Variants in NPAS3 observed in about 807,000 individuals in gnomAD.
The protein encoded by NPAS3 is neuronal PAS domain-containing protein 3.
Under a neutral mutation model 73.1 loss-of-function variants are expected in NPAS3, and 14 were observed. The ratio of observed to expected loss-of-function variants is 0.19; its 90% CI spans 0.13 to 0.30. NPAS3 has a LOEUF of 0.30. Among genes scored for constraint, NPAS3 ranks in the 10% least tolerant of loss-of-function variants. The probability of loss-of-function intolerance (pLI) is 1.00; values close to 1 mark genes in which losing one functional copy is unlikely to be tolerated. For missense variants in NPAS3, 1,096 were observed against 1,250.0 expected (o/e 0.88, Z 1.86); for synonymous variants, 620 against 541.5 (o/e 1.14, Z -2.01).
intron 2 of NPAS3, among the ~76,000 whole-genome samples, chr14:33,095,992 G>GT (rs948227432): frequency 1.3e-4 from 19 of 150,802 alleles, no homozygotes; most frequent in African/African-American, 2.7e-4. Flanking sequence ...GTCATTCTCT[G>GT]TTTTTTGTGT....
At chr14:33,561,682 A>G (rs527710458) in intron 5 of NPAS3, among the ~76,000 whole-genome samples, 2 of 152,332 alleles carry the variant, frequency 1.3e-5, no homozygotes, top group South Asian at 4.1e-4. Context: ...TTATTACCAT[A>G]CAGAACTGGA....
At chr14:33,229,936 C>A (rs1052456846) in intron 3 of NPAS3, among the ~76,000 whole-genome samples, 3 of 152,160 alleles carry the variant, frequency 2.0e-5, no homozygotes, top group African/African-American at 7.2e-5. Flanking sequence ...TCTGCTCCTG[C>A]TAAAATTTCA....
At chr14:33,779,199 G>C (rs1250484533) in intron 9 of NPAS3, among the ~76,000 whole-genome samples, 1 of 152,164 alleles carries the variant, frequency 6.6e-6, no homozygotes, top group Non-Finnish European at 1.5e-5. Flanking sequence ...CCCAGCCCCT[G>C]AGCCACAGGC....
intron 5 of NPAS3, among the ~76,000 whole-genome samples, chr14:33,657,152 A>C (rs2059167009): frequency 6.6e-6 from 1 of 152,196 alleles, no homozygotes; most frequent in African/African-American, 2.4e-5. Context: ...ACAAAAGTCA[A>C]ATTCATAGAA....
intron 5 of NPAS3, among the ~76,000 whole-genome samples, chr14:33,662,577 A>G (rs994602499): frequency 1.3e-5 from 2 of 152,216 alleles, no homozygotes; most frequent in African/African-American, 4.8e-5. Flanking sequence ...CTTCCTATCC[A>G]TGAGCATGGA....
rs143965060 is a variant in NPAS3, at chr14:33,789,147, C to T, written c.1154-4750C>T. Among the ~76,000 whole-genome samples, 234 of 152,280 alleles carry T rather than the reference C, an allele frequency of 1.5e-3. 2 individuals carry two copies. The highest frequency in any genetic ancestry group is 2.8e-3 in the Non-Finnish European group (193 of 68,016). ...TTCAACAGCCAAAGACACACTTACT[C>T]ATGGTATTGTAATTGTTAGCTAAGC... On this transcript the variant is annotated intron_variant, in intron 9 of 11. Coordinates refer to ENST00000356141, the Ensembl canonical transcript of NPAS3.
chr14:32,966,232 CT>C (rs1218391206), intron 1 of NPAS3, among the ~76,000 whole-genome samples: 1 of 152,078 alleles, frequency 6.6e-6, no homozygotes, highest in African/African-American at 2.4e-5. Context: ...CATAAAGTCC[CT>C]GAATAGCTAA....
intron 1 of NPAS3, among the ~76,000 whole-genome samples, chr14:33,023,281 A>G (rs1262309993): frequency 1.3e-5 from 2 of 152,318 alleles, no homozygotes; most frequent in Admixed American, 6.5e-5. Context: ...TAAATATTAC[A>G]AGGTCAAATT....
At chr14:33,540,081 C>G (rs2054441183) in intron 4 of NPAS3, among the ~76,000 whole-genome samples, 1 of 152,170 alleles carries the variant, frequency 6.6e-6, no homozygotes, top group African/African-American at 2.4e-5. Context: ...ATAAACGACT[C>G]AGCTGTGTCC....
At position 33,028,984 on chromosome 14, in the gene NPAS3, C is replaced by T. The variant is rs75639040; in HGVS notation, c.51-26921C>T. 1.7e-4 allele frequency among the ~76,000 whole-genome samples: 26 copies of T among 152,178 alleles called. No homozygotes were observed. The South Asian group carries it at 5.2e-3, about 30-fold the overall frequency. On this transcript the variant is annotated intron_variant, in intron 1 of 11. Coordinates refer to ENST00000356141, the Ensembl canonical transcript of NPAS3. ...TTTTTCCTGATGCTCTCCTTCCCCC[C>T]CGCCCCTGATGGGGGAGGTATTTTG...
At chr14:33,220,568 C>A (rs1038707087) in intron 3 of NPAS3, among the ~76,000 whole-genome samples, 19 of 152,162 alleles carry the variant, frequency 1.2e-4, no homozygotes, top group African/African-American at 4.1e-4. Flanking sequence ...GTTTATATCA[C>A]CGCATTTCCC....
At position 33,341,291 on chromosome 14, in the gene NPAS3, C is replaced by A. The variant is rs192271620; in HGVS notation, c.386-25895C>A. Among the ~76,000 whole-genome samples, 36 of 152,224 alleles carry A rather than the reference C, an allele frequency of 2.4e-4. 1 individual carries two copies. The highest frequency in any genetic ancestry group is 1.4e-3 in the Admixed American group (22 of 15,294). ...GAGTTTTGGGTGTTTATAACTTGGC[C>A]ATAAAAATTCTTTCCAGCCTGAAAT... On this transcript the variant is annotated intron_variant, in intron 3 of 11. Transcript: ENST00000356141.
intron 3 of NPAS3, among the ~76,000 whole-genome samples, chr14:33,310,623 T>C (rs953611199): frequency 4.6e-5 from 7 of 152,184 alleles, no homozygotes; most frequent in Non-Finnish European, 1.5e-5. Flanking sequence ...CAGGTGCCTG[T>C]CACTAAGATA....
At position 33,163,289 on chromosome 14, in the gene NPAS3, C is replaced by T. The variant is rs183196645; in HGVS notation, c.141-51893C>T. 1.1e-3 allele frequency among the ~76,000 whole-genome samples: 175 copies of T among 152,294 alleles called. 2 individuals are homozygous for T. The highest frequency in any genetic ancestry group is 1.9e-3 in the East Asian group (10 of 5,178). ...ATGGAGTAAATGCCTTTCATCCTGG[C>T]GGCCTCAGTCAGTGCTCACAGACCT... On this transcript the variant is annotated intron_variant, in intron 2 of 11. Transcript: ENST00000356141.
At chr14:33,535,061 A>AGC (rs2054202134) in intron 4 of NPAS3, among the ~76,000 whole-genome samples, 1 of 152,254 alleles carries the variant, frequency 6.6e-6, no homozygotes. Flanking sequence ...TAAAAGTCAA[A>AGC]GCAAAATGTT....
At chr14:33,126,200 T>C (rs754024936) in intron 2 of NPAS3, among the ~76,000 whole-genome samples, 2 of 152,190 alleles carry the variant, frequency 1.3e-5, no homozygotes, top group Non-Finnish European at 2.9e-5. Flanking sequence ...ATAGCTTTTC[T>C]TTTCTTTGAT....
intron 4 of NPAS3, among the ~76,000 whole-genome samples, chr14:33,433,903 A>G (rs1378220961): frequency 1.3e-5 from 2 of 152,250 alleles, no homozygotes; most frequent in African/African-American, 4.8e-5. Flanking sequence ...TTAATAAAAC[A>G]TACTAGGCCG....
chr14:32,978,114 G>GC (rs1555313985), intron 1 of NPAS3, among the ~76,000 whole-genome samples: 1 of 152,092 alleles, frequency 6.6e-6, no homozygotes, highest in Non-Finnish European at 1.5e-5. Flanking sequence ...TGAAGATGTG[G>GC]GGGGGTGAGA....
intron 4 of NPAS3, among the ~76,000 whole-genome samples, chr14:33,477,494 A>T (rs530705984): frequency 6.6e-6 from 1 of 152,226 alleles, no homozygotes; most frequent in African/African-American, 2.4e-5. Flanking sequence ...GTCACATACA[A>T]CACGCTCATT....
Sources: gnomAD v4.1 joint callset for allele counts (sites outside exome capture counted in the v4.1 genomes callset) on GRCh38, gnomAD v4.1.1 for gene constraint, MANE v1.5 for transcripts, NCBI Gene and HGNC (gene_info 2026-07-23, HGNC 2026-07-21) for gene names.